The following KCNB2 variants were observed in gnomAD, a reference collection of about 807,000 sequenced individuals.
The protein encoded by KCNB2 is delayed rectifier potassium channel protein.
KCNB2 carries 15 observed loss-of-function variants against 61.5 expected under a neutral mutation model. The ratio of observed to expected loss-of-function variants is 0.24; its 90% CI spans 0.16 to 0.38. KCNB2 has a LOEUF of 0.38. KCNB2 is among the 10% of genes least tolerant of loss of function. The pLI is 1.00. For synonymous variants in KCNB2, 457 were observed against 446.0 expected (o/e 1.02, Z -0.31); for missense variants, 828 against 1,125.2 (o/e 0.74, Z 3.78).
At chr8:72,803,081 C>T (rs1270800450) in intron 2 of KCNB2, among the ~76,000 whole-genome samples, 1 of 152,186 alleles carries the variant, frequency 6.6e-6, no homozygotes, top group African/African-American at 2.4e-5. Context: ...AACTGTAGCT[C>T]TGTGTCCATG....
intron 2 of KCNB2, among the ~76,000 whole-genome samples, chr8:72,890,534 A>G (rs1035037556): frequency 6.6e-6 from 1 of 152,178 alleles, no homozygotes; most frequent in Non-Finnish European, 1.5e-5. Flanking sequence ...CCCCGGTCCC[A>G]TCACACTGCC....
intron 2 of KCNB2, among the ~76,000 whole-genome samples, chr8:72,930,307 A>G (rs1036639320): frequency 3.3e-5 from 5 of 151,918 alleles, no homozygotes; most frequent in African/African-American, 1.2e-4. Context: ...TCCTTTGGGT[A>G]TATACCCAGT....
chr8:72,782,790 T>A lies in KCNB2; in HGVS notation c.580-153145T>A, dbSNP rs544516167. 3.6e-4 allele frequency among the ~76,000 whole-genome samples: 55 copies of A among 152,300 alleles called. 2 individuals are homozygous for A. In the South Asian group the frequency reaches 8.5e-3, roughly 24 times the overall value. ...TCAATTCCATTTTGAAAAATTTCTGTTGACCTTGGCAGAGTTTTTGAGGAC... is the reference window on the plus strand; with the variant it reads ...TCAATTCCATTTTGAAAAATTTCTGATGACCTTGGCAGAGTTTTTGAGGAC... On this transcript the variant is annotated intron_variant, in intron 2 of 2. Transcript: ENST00000523207.
At chr8:72,711,243 C>T (rs1048501421) in intron 2 of KCNB2, among the ~76,000 whole-genome samples, 1 of 152,226 alleles carries the variant, frequency 6.6e-6, no homozygotes, top group African/African-American at 2.4e-5. Flanking sequence ...AGAGCATCTG[C>T]ATAGCCCAAC....
chr8:72,671,618 C>T (rs544198893), intron 2 of KCNB2, among the ~76,000 whole-genome samples: 12 of 152,272 alleles, frequency 7.9e-5, no homozygotes, highest in Admixed American at 2.0e-4. Flanking sequence ...CCTCCATCTT[C>T]CATCCTTTCC....
chr8:72,776,160 C>T (rs1808646210), intron 2 of KCNB2, among the ~76,000 whole-genome samples: 1 of 150,398 alleles, frequency 6.6e-6, no homozygotes, highest in Non-Finnish European at 1.5e-5. Flanking sequence ...GACAAAAAAC[C>T]AAACACCGCA....
chr8:72,713,106 CT>C (rs1807353558), intron 2 of KCNB2, among the ~76,000 whole-genome samples: 1 of 152,214 alleles, frequency 6.6e-6, no homozygotes, highest in Admixed American at 6.5e-5. Flanking sequence ...GGCAGCAAGG[CT>C]GGGGGAGGGG....
intron 2 of KCNB2, among the ~76,000 whole-genome samples, chr8:72,706,510 A>G (rs989337537): frequency 6.6e-6 from 1 of 152,188 alleles, no homozygotes; most frequent in South Asian, 2.1e-4. Context: ...TTCCCCAGAA[A>G]GGTAAATTAC....
At chr8:72,710,663 C>T (rs1361790855) in intron 2 of KCNB2, among the ~76,000 whole-genome samples, 1 of 152,124 alleles carries the variant, frequency 6.6e-6, no homozygotes, top group Non-Finnish European at 1.5e-5. Context: ...AGTGAAACTA[C>T]CCAGGACTCT....
rs868236256 is a variant in KCNB2, at chr8:72,702,557, A to G, written c.579+134244A>G. Among the ~76,000 whole-genome samples the G allele has an allele frequency of 5.9e-5, 9 of 152,244 alleles. No individual in the cohort carries two copies. In the South Asian group the frequency reaches 6.2e-4, roughly 11 times the overall value. ...TTCAGAAAGCTTGGATTCCTTGCAC[A>G]TTGGAAAGGAGGGGAGGGCTGACCT... On this transcript the variant is annotated intron_variant, in intron 2 of 2. Coordinates refer to ENST00000523207, the MANE Select transcript of KCNB2 (RefSeq NM_004770.3).
chr8:72,740,593 A>T (rs1807935701), intron 2 of KCNB2, among the ~76,000 whole-genome samples: 1 of 152,184 alleles, frequency 6.6e-6, no homozygotes, highest in African/African-American at 2.4e-5. Flanking sequence ...TGGCTGCCAA[A>T]AGGAAGGGGC....
chr8:72,861,715 G>A (rs903941679), intron 2 of KCNB2, among the ~76,000 whole-genome samples: 9 of 152,106 alleles, frequency 5.9e-5, no homozygotes, highest in African/African-American at 2.2e-4. Flanking sequence ...GAAAAACAAA[G>A]CAAATGAAAG....
At chr8:72,582,913 C>A (rs1806929584) in intron 2 of KCNB2, among the ~76,000 whole-genome samples, 1 of 152,084 alleles carries the variant, frequency 6.6e-6, no homozygotes, top group South Asian at 2.1e-4. Context: ...AGCCACCATG[C>A]CCGGCTTTGA....
chr8:72,813,653 T>G (rs1585908051), intron 2 of KCNB2, among the ~76,000 whole-genome samples: 1 of 152,146 alleles, frequency 6.6e-6, no homozygotes, highest in Non-Finnish European at 1.5e-5. Context: ...CCCCAGAAAG[T>G]TTTATTGAAG....
At chr8:72,908,376 T>C (rs1482015) in intron 2 of KCNB2, among the ~76,000 whole-genome samples, 70,044 of 151,986 alleles carry the variant, frequency 0.46, 17,753 homozygotes, top group Middle Eastern at 0.6. Context: ...ATTATTTTAC[T>C]ATTATCTATC....
rs1186134709 is a variant in KCNB2 at position 72,565,945 on chromosome 8, G to T, written c.-93-1697G>T. ...CTCAAGAGTTCCCAGCATACTATGG[G>T]AAAGGTATGTTGCAATGGTATGGTG... On this transcript the variant is annotated intron_variant, in intron 1 of 2. Transcript: ENST00000523207. Among the ~76,000 whole-genome samples the T allele has an allele frequency of 2.0e-5, 3 of 152,216 alleles. No individual in the cohort carries two copies. The East Asian group carries it at 5.8e-4, about 29-fold the overall frequency.
At chr8:72,563,911 T>C (rs1806583849) in intron 1 of KCNB2, among the ~76,000 whole-genome samples, 1 of 152,180 alleles carries the variant, frequency 6.6e-6, no homozygotes, top group African/African-American at 2.4e-5. Flanking sequence ...CTTTTAACCA[T>C]GGTAACAATA....
At chr8:72,794,254 A>T (rs914376821) in intron 2 of KCNB2, among the ~76,000 whole-genome samples, 1 of 152,098 alleles carries the variant, frequency 6.6e-6, no homozygotes, top group Non-Finnish European at 1.5e-5. Flanking sequence ...TGGAGATGGG[A>T]TGACTTCTAC....
intron 1 of KCNB2, among the ~76,000 whole-genome samples, chr8:72,546,645 C>T (rs1051902260): frequency 2.0e-5 from 3 of 152,004 alleles, no homozygotes; most frequent in Non-Finnish European, 4.4e-5. Context: ...TTTAAAATTT[C>T]TTTAGAGACA....
Sources: allele counts gnomAD v4.1 joint callset (sites outside exome capture counted in the v4.1 genomes callset), GRCh38; gene constraint gnomAD v4.1.1; transcripts MANE v1.5; gene names NCBI Gene and HGNC (gene_info 2026-07-23, HGNC 2026-07-21).